ADGRB3: variants seen among roughly 807,000 people sequenced by gnomAD.
ADGRB3 encodes brain-specific angiogenesis inhibitor 3.
In ADGRB3, 37 loss-of-function variants were observed where a neutral mutation model predicts 193.4. The observed-to-expected ratio is 0.19, with a 90% confidence interval of 0.15 to 0.25. ADGRB3 has a LOEUF of 0.25. ADGRB3 is among the 10% of genes least tolerant of loss of function. ADGRB3 has a pLI of 1.00. For missense variants in ADGRB3, 1,637 were observed against 1,852.9 expected (o/e 0.88, Z 2.14); for synonymous variants, 690 against 644.2 (o/e 1.07, Z -1.08).
At chr6:68,847,162 A>G (rs1244450404) in intron 3 of ADGRB3, among the ~76,000 whole-genome samples, 2 of 152,084 alleles carry the variant, frequency 1.3e-5, no homozygotes, top group African/African-American at 2.4e-5. Flanking sequence ...GAATGGCTGT[A>G]TTTACCCAAT....
intron 30 of ADGRB3, among the ~76,000 whole-genome samples, chr6:69,373,308 A>G (rs970396901): frequency 6.6e-6 from 1 of 151,978 alleles, no homozygotes; most frequent in Non-Finnish European, 1.5e-5. Flanking sequence ...AACTACTCCT[A>G]ATTCAGTCGT....
intron 17 of ADGRB3, among the ~76,000 whole-genome samples, chr6:69,085,853 C>T (rs1772534188): frequency 6.6e-6 from 1 of 151,468 alleles, no homozygotes; most frequent in African/African-American, 2.4e-5. Flanking sequence ...TTTGAATGAA[C>T]ATCGGTAAAG....
chr6:68,809,697 T>C (rs775285925), intron 3 of ADGRB3, among the ~76,000 whole-genome samples: 18 of 152,100 alleles, frequency 1.2e-4, no homozygotes, highest in Non-Finnish European at 2.6e-4. Flanking sequence ...TTTTAAAAAA[T>C]TGCCAATATT....
intron 20 of ADGRB3, among the ~76,000 whole-genome samples, chr6:69,255,050 T>C (rs1442126080): frequency 1.3e-5 from 2 of 151,516 alleles, no homozygotes; most frequent in Non-Finnish European, 3.0e-5. Context: ...TCATTTTTTA[T>C]GGCTGCATAG....
intron 17 of ADGRB3, among the ~76,000 whole-genome samples, chr6:69,093,734 G>A (rs1166908404): frequency 2.0e-5 from 3 of 151,872 alleles, no homozygotes; most frequent in African/African-American, 7.3e-5. Flanking sequence ...CTAGGTTCAG[G>A]GAAAGAGAGG....
intron 3 of ADGRB3, among the ~76,000 whole-genome samples, chr6:68,768,407 T>G (rs1022426796): frequency 6.6e-6 from 1 of 152,142 alleles, no homozygotes; most frequent in African/African-American, 2.4e-5. Flanking sequence ...CCATCTGATC[T>G]TTGACAAACC....
intron 26 of ADGRB3, among the ~76,000 whole-genome samples, chr6:69,343,127 G>A (rs1218449054): frequency 7.0e-6 from 1 of 143,506 alleles, no homozygotes; most frequent in Non-Finnish European, 1.5e-5. Context: ...TGTGTATGGA[G>A]CCTAATTTAT....
Position 68,903,777 on chromosome 6 carries a change from G to A in ADGRB3, c.758-26782G>A, listed in dbSNP as rs189311558. Among the ~76,000 whole-genome samples the A allele has an allele frequency of 5.0e-4, 76 of 151,846 alleles. 1 individual carries two copies. Among genetic ancestry groups the A allele is most frequent in the African/African-American group, 1.7e-3 (71 of 41,444 alleles). Reference sequence around the variant, plus strand: ...ATCCCATCGCTTTGAGTGGGAAGCCGAGGTGAGAGGATCGCTTGAGGCCAG... The same window carrying A: ...ATCCCATCGCTTTGAGTGGGAAGCCAAGGTGAGAGGATCGCTTGAGGCCAG... On this transcript the variant is annotated intron_variant, in intron 3 of 31. Transcript: ENST00000370598.
At chr6:69,011,893 CTAATCAATA>C (rs1385377117) in intron 11 of ADGRB3, among the ~76,000 whole-genome samples, 1 of 151,948 alleles carries the variant, frequency 6.6e-6, no homozygotes, top group African/African-American at 2.4e-5. Context: ...ATTCCAAAGT[CTAATCAATA>C]GTGAGAACAA....
At chr6:69,141,420 G>T (rs1441245052) in intron 17 of ADGRB3, among the ~76,000 whole-genome samples, 1 of 151,862 alleles carries the variant, frequency 6.6e-6, no homozygotes, top group Non-Finnish European at 1.5e-5. Context: ...ACTGCGCCCG[G>T]CCGGGGCAGG....
chr6:69,349,607 A>G (rs2127325251), intron 26 of ADGRB3, among the ~76,000 whole-genome samples: 1 of 152,322 alleles, frequency 6.6e-6, no homozygotes, highest in South Asian at 2.1e-4. Context: ...ATTAGATTGT[A>G]TAGAATTTAA....
chr6:69,255,093 A>T (rs13193404), intron 20 of ADGRB3, among the ~76,000 whole-genome samples: 1 of 151,390 alleles, frequency 6.6e-6, no homozygotes, highest in African/African-American at 2.4e-5. Flanking sequence ...ACATTTTCTT[A>T]ATCCAGTCTA....
intron 3 of ADGRB3, among the ~76,000 whole-genome samples, chr6:68,847,691 C>A (rs1386161233): frequency 6.6e-6 from 1 of 152,104 alleles, no homozygotes; most frequent in Admixed American, 6.6e-5. Context: ...CCTTTTCTTC[C>A]CAGTCTCGGG....
chr6:69,090,709 C>T (rs1772681546), intron 17 of ADGRB3, among the ~76,000 whole-genome samples: 1 of 152,128 alleles, frequency 6.6e-6, no homozygotes, highest in Admixed American at 6.5e-5. Flanking sequence ...AGGGCTATAC[C>T]TGAGCTAATT....
At chr6:69,299,006 A>C (rs906650696) in intron 20 of ADGRB3, among the ~76,000 whole-genome samples, 1 of 151,920 alleles carries the variant, frequency 6.6e-6, no homozygotes, top group Non-Finnish European at 1.5e-5. Flanking sequence ...ATAACACTTT[A>C]AGAAGATTCC....
chr6:68,983,920 A>G (rs1257400913), intron 10 of ADGRB3, among the ~76,000 whole-genome samples: 2 of 152,198 alleles, frequency 1.3e-5, no homozygotes, highest in African/African-American at 4.8e-5. Flanking sequence ...TGAATGCATG[A>G]GATAAACATG....
chr6:68,823,193 A>C (rs1767778936), intron 3 of ADGRB3, among the ~76,000 whole-genome samples: 1 of 151,996 alleles, frequency 6.6e-6, no homozygotes, highest in Non-Finnish European at 1.5e-5. Flanking sequence ...ATGATATTTA[A>C]AAAATTGGGC....
intron 3 of ADGRB3, among the ~76,000 whole-genome samples, chr6:68,782,615 C>T (rs1270525475): frequency 1.3e-5 from 2 of 152,104 alleles, no homozygotes; most frequent in African/African-American, 2.4e-5. Flanking sequence ...CCTATTTCTC[C>T]ACATCCTCTC....
chr6:69,302,056 A>G (rs1767959395), intron 20 of ADGRB3, among the ~76,000 whole-genome samples: 1 of 151,930 alleles, frequency 6.6e-6, no homozygotes, highest in African/African-American at 2.4e-5. Context: ...GCTGACCAAG[A>G]GGCAGCAAAC....
Sources: allele counts gnomAD v4.1 joint callset (sites outside exome capture counted in the v4.1 genomes callset), GRCh38; gene constraint gnomAD v4.1.1; transcripts MANE v1.5; gene names NCBI Gene and HGNC (gene_info 2026-07-23, HGNC 2026-07-21).